Variants in PHTF2 observed in about 807,000 individuals in gnomAD.
The protein encoded by PHTF2 is putative homeodomain transcription factor 2.
A neutral mutation model predicts 101.2 loss-of-function variants in PHTF2; 60 were observed. That is an observed-to-expected ratio of 0.59 (90% CI 0.48 to 0.73). PHTF2 has a LOEUF of 0.73. PHTF2 is among the 30% of genes least tolerant of loss of function. The pLI is 0.00. For synonymous variants in PHTF2, 311 were observed against 307.3 expected, an observed-to-expected ratio of 1.01 and a Z score of -0.13; for missense variants, 747 against 908.7, an observed-to-expected ratio of 0.82 and a Z score of 2.29.
chr7:77,886,956 GGATT>G (rs1347109554), intron 3 of PHTF2, among the ~76,000 whole-genome samples: 1 of 151,716 alleles, frequency 6.6e-6, no homozygotes, highest in Non-Finnish European at 1.5e-5. Flanking sequence ...TGAGGTGGGA[GGATT>G]GATTGAGCCT....
At chr7:77,901,551 A>T (rs1801394588) in intron 6 of PHTF2, among the ~76,000 whole-genome samples, 1 of 152,216 alleles carries the variant, frequency 6.6e-6, no homozygotes, top group Non-Finnish European at 1.5e-5. Context: ...ATTGTTCTAT[A>T]TTTATAAAAT....
intron 12 of PHTF2, 88 bp downstream of exon 11, chr7:77,929,415 TA>T (rs915538917): frequency 1.5e-6 from 1 of 669,662 alleles, no homozygotes; most frequent in African/African-American, 1.8e-5. Context: ...AGAAAAAGCT[TA>T]CATTCAAGCT....
intron 12 of PHTF2, among the ~76,000 whole-genome samples, chr7:77,933,876 G>C (rs1274060819): frequency 6.6e-6 from 1 of 152,174 alleles, no homozygotes; most frequent in Non-Finnish European, 1.5e-5. Flanking sequence ...TCTGTGCAGA[G>C]TAAATTGCTC....
chr7:77,825,743 G>C (rs9640669), intron 1 of PHTF2, among the ~76,000 whole-genome samples: 15,559 of 152,194 alleles, frequency 0.1, 1,118 homozygotes, highest in South Asian at 0.19. Flanking sequence ...AAAGGTGTTA[G>C]GGGTGGCCGA....
chr7:77,829,051 G>GT, intron 1 of PHTF2, among the ~76,000 whole-genome samples: 2 of 152,030 alleles, frequency 1.3e-5, no homozygotes, highest in Non-Finnish European at 2.9e-5. Flanking sequence ...GTGCGATGGT[G>GT]TCCACCTGTA....
intron 11 of PHTF2, chr7:77,923,671 T>C (rs1803691328): frequency 3.0e-6 from 3 of 985,236 alleles, no homozygotes. Context: ...TTTGATGTAG[T>C]GTTTCTTGTT....
At chr7:77,934,942 A>G (rs1173464422) in intron 12 of PHTF2, among the ~76,000 whole-genome samples, 1 of 151,836 alleles carries the variant, frequency 6.6e-6, no homozygotes, top group Non-Finnish European at 1.5e-5. Context: ...GTGGAGCCCA[A>G]CACAGTCTCA....
At chr7:77,927,239 CAT>C (rs1415798110) in intron 11 of PHTF2, among the ~76,000 whole-genome samples, 2 of 144,864 alleles carry the variant, frequency 1.4e-5, no homozygotes, top group Admixed American at 7.1e-5. Context: ...CACACATACA[CAT>C]AAAGAGAGAG....
At chr7:77,840,823 T>A (rs1296137605) in intron 2 of PHTF2, among the ~76,000 whole-genome samples, 1 of 152,134 alleles carries the variant, frequency 6.6e-6, no homozygotes, top group African/African-American at 2.4e-5. Flanking sequence ...ACCAATGTAA[T>A]GTTTTTCTTT....
chr7:77,930,401 C>G (rs1434808438), intron 12 of PHTF2, among the ~76,000 whole-genome samples: 1 of 152,124 alleles, frequency 6.6e-6, no homozygotes, highest in African/African-American at 2.4e-5. Flanking sequence ...TTTTCTTATT[C>G]CATTCAAAAT....
Position 77,910,220 on chromosome 7 carries a change from C to G in PHTF2, c.612-25C>G, listed in dbSNP as rs771321332. The G allele has an allele frequency of 1.9e-6, 3 of 1,587,518 alleles. No homozygotes were observed. The South Asian group carries it at 3.5e-5, about 18-fold the overall frequency. On this transcript the variant is annotated intron_variant, in intron 8 of 19. Coordinates refer to ENST00000416283, the Ensembl canonical transcript of PHTF2. ...GTTATTAAAATATTAAAGCTGCCTTCCATTCTTAATCTCTTCTGATGAAGG... is the reference window on the plus strand; with the variant it reads ...GTTATTAAAATATTAAAGCTGCCTTGCATTCTTAATCTCTTCTGATGAAGG...
At chr7:77,873,717 C>A (rs574622423) in intron 3 of PHTF2, among the ~76,000 whole-genome samples, 19 of 152,288 alleles carry the variant, frequency 1.2e-4, no homozygotes, top group African/African-American at 4.3e-4. Context: ...AAAAAAGATT[C>A]ATCAGAATTT....
At chr7:77,926,773 C>T (rs1228583520) in intron 11 of PHTF2, among the ~76,000 whole-genome samples, 4 of 149,676 alleles carry the variant, frequency 2.7e-5, no homozygotes, top group African/African-American at 7.4e-5. Flanking sequence ...GTTAGAGACC[C>T]GCCTGTGCAA....
At chr7:77,947,833 C>CCTTCTTTTTTTT (rs1806193610) in intron 16 of PHTF2, among the ~76,000 whole-genome samples, 1 of 43,212 alleles carries the variant, frequency 2.3e-5, no homozygotes, top group African/African-American at 9.4e-5. Flanking sequence ...TTTCTTTTTT[C>CCTTCTTTTTTTT]TTTCTTTTTT....
At chr7:77,938,146 CTT>C (rs1805313170) in intron 13 of PHTF2, 1 of 154,478 alleles carries the variant, frequency 6.5e-6, no homozygotes, top group South Asian at 2.1e-4. Context: ...TTAATAAAGA[CTT>C]TTCTTTGGAC....
chr7:77,874,727 A>AGAC (rs1465556436), intron 3 of PHTF2, among the ~76,000 whole-genome samples: 2 of 152,206 alleles, frequency 1.3e-5, no homozygotes, highest in African/African-American at 4.8e-5. Flanking sequence ...GCACCCTCAC[A>AGAC]GACACACCCA....
intron 12 of PHTF2, among the ~76,000 whole-genome samples, chr7:77,931,519 A>G (rs1804563585): frequency 6.6e-6 from 1 of 152,244 alleles, no homozygotes; most frequent in South Asian, 2.1e-4. Flanking sequence ...AATTAGAACA[A>G]TTAGATACTA....
chr7:77,886,136 TAAC>T (rs1300087336), intron 3 of PHTF2, among the ~76,000 whole-genome samples: 2 of 152,206 alleles, frequency 1.3e-5, no homozygotes, highest in South Asian at 4.1e-4. Context: ...AAACTATTGA[TAAC>T]TACCTTTTTG....
chr7:77,901,876 C>T, exon 7 of PHTF2: 1 of 1,599,890 alleles, frequency 6.3e-7, no homozygotes, highest in Non-Finnish European at 8.5e-7. Flanking sequence ...CAAGTAACAT[C>T]AAAGGTCATC....
Sources: gnomAD v4.1 joint callset for allele counts (sites outside exome capture counted in the v4.1 genomes callset) on GRCh38, gnomAD v4.1.1 for gene constraint, MANE v1.5 for transcripts, NCBI Gene and HGNC (gene_info 2026-07-23, HGNC 2026-07-21) for gene names.